The following HEPH variants were observed in gnomAD, a reference collection of about 807,000 sequenced individuals.
HEPH encodes the protein hephaestin.
Under a neutral mutation model 80.8 loss-of-function variants are expected in HEPH, and 69 were observed. The ratio of observed to expected loss-of-function variants is 0.85; its 90% confidence interval spans 0.70 to 1.04. The LOEUF (loss-of-function observed/expected upper bound fraction) is 1.04, where lower values mean the gene tolerates loss of function less well. Ranked by LOEUF, HEPH falls within the 50% of genes least tolerant of loss-of-function variation. The probability of loss-of-function intolerance (pLI) is 0.00; values close to 1 mark genes in which losing one functional copy is unlikely to be tolerated. For missense variants in HEPH, 1,115 were observed against 891.3 expected, an observed-to-expected ratio of 1.25 and a Z score of -3.20; for synonymous variants, 431 against 322.8, an observed-to-expected ratio of 1.34 and a Z score of -3.60.
At chrX:66,211,363 A>G (rs1368422766) in intron 15 of HEPH, among the ~76,000 whole-genome samples, 3 of 111,151 alleles carry the variant, frequency 2.7e-5, no homozygotes, top group Non-Finnish European at 5.7e-5. Context: ...TACAGTGTCC[A>G]TCATCCAAGT....
intron 15 of HEPH, among the ~76,000 whole-genome samples, chrX:66,214,876 A>T (rs903536134): frequency 9.0e-6 from 1 of 111,161 alleles, no homozygotes; most frequent in Admixed American, 9.6e-5. Context: ...CAATAATATC[A>T]TATTATTTTT....
chrX:66,206,535 T>C (rs1004219460), intron 13 of HEPH, among the ~76,000 whole-genome samples: 6 of 105,612 alleles, frequency 5.7e-5, no homozygotes, highest in African/African-American at 2.1e-4. Flanking sequence ...GCTGATTTTT[T>C]TTTTAATTTT....
intron 15 of HEPH, among the ~76,000 whole-genome samples, chrX:66,228,699 C>T (rs2089993928): frequency 9.0e-6 from 1 of 111,545 alleles, no homozygotes; most frequent in Non-Finnish European, 1.9e-5. Flanking sequence ...AAAATCCCAT[C>T]AAAATGTGGG....
At chrX:66,208,594 G>A (rs1438385223) in intron 15 of HEPH, among the ~76,000 whole-genome samples, 1 of 94,269 alleles carries the variant, frequency 1.1e-5, no homozygotes, top group Non-Finnish European at 2.1e-5. Flanking sequence ...ACTCCAGCCT[G>A]GGTGACAAGT....
intron 15 of HEPH, among the ~76,000 whole-genome samples, chrX:66,226,567 AAG>A (rs919936851): frequency 9.8e-5 from 11 of 112,278 alleles, no homozygotes; most frequent in Non-Finnish European, 1.5e-4. Context: ...CCAAGAAAAT[AAG>A]AGAATCCAAA....
chrX:66,175,746 A>AGTATGTAT (rs746745782), intron 4 of HEPH, among the ~76,000 whole-genome samples: 38,441 of 108,214 alleles, frequency 0.36, 7,912 homozygotes, highest in African/African-American at 0.77. Flanking sequence ...TATATTCCTA[A>AGTATGTAT]GTATGTATGT....
intron 15 of HEPH, among the ~76,000 whole-genome samples, chrX:66,214,696 C>A (rs1044887731): frequency 1.5e-4 from 16 of 105,961 alleles, no homozygotes; most frequent in Non-Finnish European, 3.1e-4. Context: ...GCTATAGATC[C>A]ATTTTTAATT....
chrX:66,266,041 G>A lies in HEPH; in HGVS notation c.3245-399G>A, dbSNP rs1165552753. Among the ~76,000 whole-genome samples the A allele has an allele frequency of 3.6e-5, 4 of 111,793 alleles. No individual in the cohort carries two copies. In the Admixed American group the frequency reaches 3.8e-4, roughly 11 times the overall value. On this transcript the variant is annotated intron_variant, in intron 20 of 20. Transcript: ENST00000343002. ...TTGTCAAAATTGCTATTGATAAGCT[G>A]GATGACTGAGTCAAATTTCTTTCTG...
chrX:66,205,841 C>T (rs769121035), intron 13 of HEPH, among the ~76,000 whole-genome samples: 26 of 110,685 alleles, frequency 2.3e-4, no homozygotes, highest in Admixed American at 3.9e-4. Context: ...AGTGACTTCC[C>T]GTCTCTGAAC....
At chrX:66,257,487 G>A (rs2091218832) in intron 17 of HEPH, among the ~76,000 whole-genome samples, 1 of 112,153 alleles carries the variant, frequency 8.9e-6, no homozygotes. Context: ...AAGATCAAAT[G>A]TGAACCTTAA....
intron 15 of HEPH, among the ~76,000 whole-genome samples, chrX:66,208,890 G>A (rs986236405): frequency 6.5e-5 from 7 of 107,860 alleles, no homozygotes; most frequent in Non-Finnish European, 1.3e-4. Flanking sequence ...TGATCATTCA[G>A]CCCTTAGCCC....
intron 18 of HEPH, among the ~76,000 whole-genome samples, chrX:66,259,474 G>T (rs937127298): frequency 8.9e-6 from 1 of 111,894 alleles, no homozygotes; most frequent in African/African-American, 3.2e-5. Context: ...AAAGACAATG[G>T]CAAAGATAAC....
At position 66,256,189 on chromosome X, in the gene HEPH, C is replaced by T. The variant is rs751730413; in HGVS notation, c.2755C>T (p.Arg919Trp). Residue 919 changes from arginine to tryptophan, a missense_variant, in exon 17 of 21, where the codon CGG (arginine) becomes TGG (tryptophan). Coordinates refer to ENST00000343002, the MANE Select transcript of HEPH (RefSeq NM_001367233.3). The part of the protein sequence containing the change: ...EPHGGRSDMD[R>W]EFALLFLIFD... ...CCATGGAGGACGGAGTGACATGGAT[C>T]GGGAATTTGCATTGTTGTTCTTGAT... 3.3e-6 allele frequency: 4 copies of T among 1,210,999 alleles called. No individual in the cohort carries two copies. Among genetic ancestry groups the T allele is most frequent in the African/African-American group, 1.7e-5 (1 of 57,768 alleles).
intron 15 of HEPH, among the ~76,000 whole-genome samples, chrX:66,247,512 C>A (rs1449069980): frequency 6.4e-5 from 7 of 110,098 alleles, no homozygotes; most frequent in Non-Finnish European, 1.1e-4. Context: ...TGTTTGGTTC[C>A]TTTTTATTTC....
chrX:66,220,050 A>T (rs2089574496), intron 15 of HEPH, among the ~76,000 whole-genome samples: 1 of 111,410 alleles, frequency 9.0e-6, no homozygotes, highest in African/African-American at 3.3e-5. Flanking sequence ...CTCTTGCTAT[A>T]CAGTATTGTC....
chrX:66,163,115 G>A (rs1164687396), upstream of HEPH, among the ~76,000 whole-genome samples: 1 of 111,569 alleles, frequency 9.0e-6, no homozygotes, highest in Non-Finnish European at 1.9e-5. Flanking sequence ...ACAGGGCTGG[G>A]AGGGTCCATA....
chrX:66,266,348 T>G, intron 20 of HEPH, 92 bp from the exon 21 acceptor site: 1 of 626,527 alleles, frequency 1.6e-6, no homozygotes, highest in South Asian at 2.8e-5. Flanking sequence ...CCTATTTGGA[T>G]TGACTTGTTT....
chrX:66,201,381 T>C (rs1484144514), intron 12 of HEPH, among the ~76,000 whole-genome samples: 2 of 111,175 alleles, frequency 1.8e-5, no homozygotes, highest in Admixed American at 1.9e-4. Context: ...TTTCCTGCCT[T>C]GATTCTTTCC....
rs1378680440 is a variant in HEPH at position 66,263,691 on chromosome X, A to C, written c.3244+3A>C. ...CATCACCAAAGAGACTGAAAAAGGT[A>C]CGTAAAATGATGCACAGACTGGGTA... On this transcript the variant is annotated splice_donor_region_variant and intron_variant, in intron 20 of 20. Transcript: ENST00000343002. 7 of 1,204,747 alleles carry C rather than the reference A, an allele frequency of 5.8e-6. No homozygotes were observed. The African/African-American group carries it at 1.1e-4, about 18-fold the overall frequency.
Sources: gnomAD v4.1 joint callset for allele counts (sites outside exome capture counted in the v4.1 genomes callset) on GRCh38, gnomAD v4.1.1 for gene constraint, MANE v1.5 for transcripts, NCBI Gene and HGNC (gene_info 2026-07-23, HGNC 2026-07-21) for gene names.